Variants in AKR1C2 observed in about 807,000 individuals in gnomAD.
AKR1C2 encodes the protein aldo-keto reductase family 1 member C2.
Under a neutral mutation model 39.8 loss-of-function variants are expected in AKR1C2, and 27 were observed. The observed-to-expected ratio is 0.68, with a 90% CI of 0.50 to 0.93. The LOEUF (loss-of-function observed/expected upper bound fraction) is 0.93, where lower values mean the gene tolerates loss of function less well. Ranked by LOEUF, AKR1C2 falls within the 40% of genes least tolerant of loss-of-function variation. AKR1C2 has a pLI of 0.00. For missense variants in AKR1C2, 263 were observed against 365.1 expected (o/e 0.72, Z 2.28); for synonymous variants, 114 against 137.9 (o/e 0.83, Z 1.22).
chr10:4,999,241 T>C lies in AKR1C2; in HGVS notation c.406A>G (p.Lys136Glu). 1 of 1,608,702 alleles carries C rather than the reference T, an allele frequency of 6.2e-7. No homozygotes were observed. The highest frequency in any genetic ancestry group is 8.5e-7 in the Non-Finnish European group (1 of 1,176,886). The change falls in exon 4 of 9, where the codon AAA becomes GAA. Residue 136 changes from lysine to glutamate, a missense_variant. Physicochemically the swap from Lys to Glu is moderately conservative, Grantham distance 56 (BLOSUM62 1). Coordinates refer to ENST00000380753, the MANE Select transcript of AKR1C2 (RefSeq NM_001393392.1). ...AGATCCACTGTGTCAAATAGTATTT[T>C]TCCATTTTCATCTTTTGGGATCACT... ...EEVIPKDENG[K>E]ILFDTVDLCA...
chr10:4,995,940 A>C, intron 5 of AKR1C2, 75 bp from the exon 6 acceptor site: 1 of 1,527,220 alleles, frequency 6.5e-7, no homozygotes, highest in Non-Finnish European at 8.9e-7. Context: ...AAAGTAAAAG[A>C]AGCTGAATAA....
At chr10:4,994,437 C>T (rs1216174258) in intron 7 of AKR1C2, among the ~76,000 whole-genome samples, 1 of 152,078 alleles carries the variant, frequency 6.6e-6, no homozygotes, top group Non-Finnish European at 1.5e-5. Flanking sequence ...GTGTGTGTTT[C>T]CCCACCCCTT....
At chr10:4,996,594 A>G (rs1837056934) in intron 5 of AKR1C2, among the ~76,000 whole-genome samples, 1 of 148,750 alleles carries the variant, frequency 6.7e-6, no homozygotes, top group African/African-American at 2.5e-5. Flanking sequence ...AAAATGAGTA[A>G]AATAAATTAA....
At position 5,016,140 on chromosome 10, in the gene AKR1C2, C is replaced by T. The variant is rs142502716; in HGVS notation, c.-88+1760G>A. Among the ~76,000 whole-genome samples the T allele has an allele frequency of 3.3e-3, 506 of 152,286 alleles. 5 individuals carry two copies. The highest frequency in any genetic ancestry group is 0.011 in the African/African-American group (477 of 41,540). On this transcript the variant is annotated intron_variant, in intron 1 of 6. Coordinates refer to the AKR1C2 transcript ENST00000604507. ...GGGGACACAGAGCCAAACCATATCA[C>T]TCCGCCCCAGCCCCTTCCAAATCTC...
At chr10:4,994,122 A>G (rs1422616909) in intron 7 of AKR1C2, among the ~76,000 whole-genome samples, 2 of 151,680 alleles carry the variant, frequency 1.3e-5, no homozygotes, top group Admixed American at 6.6e-5. Context: ...TATGTCATAT[A>G]TATGACATAG....
intron 1 of AKR1C2, among the ~76,000 whole-genome samples, chr10:5,011,748 A>C (rs1461118696): frequency 6.6e-6 from 1 of 152,228 alleles, no homozygotes; most frequent in Non-Finnish European, 1.5e-5. Context: ...GTGGGGATTG[A>C]AAGAATGGAA....
chr10:5,011,235 C>T (rs61856093), intron 1 of AKR1C2, among the ~76,000 whole-genome samples: 9,127 of 152,250 alleles, frequency 0.06, 370 homozygotes, highest in South Asian at 0.11. Context: ...TGCCTAGGCA[C>T]ACCTACAGGC....
chr10:5,008,605 G>A (rs1837457057), upstream of AKR1C2, among the ~76,000 whole-genome samples: 3 of 152,228 alleles, frequency 2.0e-5, no homozygotes, highest in Admixed American at 1.3e-4. Context: ...TCCTATAGGT[G>A]AGGGAGAGGG....
rs782744188 is a variant in AKR1C2 at position 4,995,715 on chromosome 10, C to T, written c.680+41G>A. The T allele has an allele frequency of 3.2e-6, 5 of 1,546,286 alleles. No homozygotes were observed. The African/African-American group carries it at 5.4e-5, about 17-fold the overall frequency. On this transcript the variant is annotated intron_variant, in intron 6 of 8. Coordinates refer to ENST00000380753, the MANE Select transcript of AKR1C2 (RefSeq NM_001393392.1). ...CATGATCTGATTAAATTTTTTTTAT[C>T]AAACCAGTGTTTTAGGTAAACTTCC...
chr10:4,993,476 T>A (rs1224113152), intron 7 of AKR1C2, among the ~76,000 whole-genome samples: 5 of 152,148 alleles, frequency 3.3e-5, no homozygotes, highest in Non-Finnish European at 5.9e-5. Context: ...CATAATATTT[T>A]AAAAGTCATA....
Position 4,989,654 on chromosome 10 carries a change from T to C in AKR1C2, c.*342A>G, listed in dbSNP as rs1213052711. On this transcript the variant is annotated 3_prime_UTR_variant, in exon 9 of 9. Coordinates refer to ENST00000380753, the MANE Select transcript of AKR1C2 (RefSeq NM_001393392.1). ...ACTCCACCCACTCCCACTGCAGAAA[T>C]GAATCTTAAATGGTTGTTAACATCT... 3.5e-6 allele frequency: 1 copy of C among 287,454 alleles called. No homozygotes were observed. Among genetic ancestry groups the C allele is most frequent in the African/African-American group, 2.3e-5 (1 of 43,636 alleles). 17.8% of individuals were successfully genotyped at this position (287,454 alleles called of 1,614,324 possible).
rs1401044901 is a variant in AKR1C2, at chr10:4,995,186, G to A, written c.846+133C>T. On this transcript the variant is annotated intron_variant, in intron 7 of 8. Coordinates refer to ENST00000380753, the MANE Select transcript of AKR1C2 (RefSeq NM_001393392.1). The stretch of plus-strand genomic sequence containing the variant: ...CTAGAGTAGAAGAAACCCTTATGAC[G>A]TACACAAAGAGTTCATGCATAGGAA... 215 of 1,342,982 alleles carry A rather than the reference G, an allele frequency of 1.6e-4. 4 individuals are homozygous for A. In the South Asian group the frequency reaches 3.1e-3, roughly 19 times the overall value. 83.2% of individuals were successfully genotyped at this position (1,342,982 alleles called of 1,614,324 possible). A position where few individuals can be genotyped will look rare whatever the true frequency, so the allele number is the denominator to read the frequency against.
At chr10:5,001,948 T>G (rs1837287131) in intron 1 of AKR1C2, among the ~76,000 whole-genome samples, 1 of 152,236 alleles carries the variant, frequency 6.6e-6, no homozygotes, top group African/African-American at 2.4e-5. Flanking sequence ...TTCAGTGATT[T>G]TTTGGAAAAA....
At chr10:5,016,877 T>G (rs1166694481) in intron 1 of AKR1C2, among the ~76,000 whole-genome samples, 2 of 152,218 alleles carry the variant, frequency 1.3e-5, no homozygotes, top group Non-Finnish European at 2.9e-5. Flanking sequence ...CATCTCTTAG[T>G]CTCTGAGCAG....
intron 7 of AKR1C2, among the ~76,000 whole-genome samples, chr10:4,994,440 C>A (rs1836960225): frequency 1.3e-5 from 2 of 152,066 alleles, no homozygotes; most frequent in South Asian, 4.1e-4. Context: ...TGTGTTTCCC[C>A]ACCCCTTGAG....
intron 1 of AKR1C2, among the ~76,000 whole-genome samples, chr10:5,009,371 G>A (rs1837472344): frequency 6.6e-6 from 1 of 151,932 alleles, no homozygotes; most frequent in Non-Finnish European, 1.5e-5. Flanking sequence ...CAATACTATT[G>A]TTCACCCCTC....
chr10:5,014,517 A>T (rs1194785816), intron 1 of AKR1C2, among the ~76,000 whole-genome samples: 2 of 152,078 alleles, frequency 1.3e-5, no homozygotes, highest in Non-Finnish European at 2.9e-5. Flanking sequence ...CCACGCCTTC[A>T]TCATTTAGTT....
chr10:5,017,062 G>C (rs1379749044), intron 1 of AKR1C2, among the ~76,000 whole-genome samples: 2 of 152,200 alleles, frequency 1.3e-5, no homozygotes, highest in Non-Finnish European at 2.9e-5. Flanking sequence ...CTTGGCCCAT[G>C]AAATTATTTT....
In AKR1C2 at chr10:4,988,549, T is replaced by A. The variant is rs1211640050; in HGVS notation, c.*1447A>T. The A allele has an allele frequency of 1.3e-5, 2 of 152,332 alleles. No individual in the cohort carries two copies. The highest frequency in any genetic ancestry group is 4.8e-5 in the African/African-American group (2 of 41,580). The allele number at this position is 152,332 out of a possible 1,614,324, so 9.4% of individuals were successfully genotyped here. A position where few individuals can be genotyped will look rare whatever the true frequency, so the allele number is the denominator to read the frequency against. On this transcript the variant is annotated 3_prime_UTR_variant, in exon 9 of 9. Transcript: ENST00000380753. ...TTGGTCTAGGGCCCTCCAAAGTTTA[T>A]GGCCTCTTCCAATTTTATAGAATAA...
Sources: gnomAD v4.1 joint callset for allele counts (sites outside exome capture counted in the v4.1 genomes callset) on GRCh38, gnomAD v4.1.1 for gene constraint, MANE v1.5 for transcripts, NCBI Gene and HGNC (gene_info 2026-07-23, HGNC 2026-07-21) for gene names.